The following MCC variants were observed in gnomAD, a reference collection of about 807,000 sequenced individuals.
The protein encoded by MCC is colorectal mutant cancer protein.
In MCC, 90 loss-of-function variants were observed where a neutral mutation model predicts 116.2. The ratio of observed to expected loss-of-function variants is 0.77; its 90% CI spans 0.65 to 0.92. The LOEUF (loss-of-function observed/expected upper bound fraction) is 0.92. MCC is among the 40% of genes least tolerant of loss of function. The probability of loss-of-function intolerance (pLI) is 0.00; values close to 1 mark genes in which losing one functional copy is unlikely to be tolerated. For missense variants in MCC, 1,516 were observed against 1,312.2 expected, an observed-to-expected ratio of 1.16 and a Z score of -2.40; for synonymous variants, 578 against 510.5, an observed-to-expected ratio of 1.13 and a Z score of -1.78.
intron 3 of MCC, chr5:113,294,795 C>T (rs1766657629): frequency 3.0e-6 from 3 of 987,158 alleles, no homozygotes; most frequent in Middle Eastern, 5.2e-4. Flanking sequence ...CCCTAGAGGG[C>T]ACCGGCGAGC....
At chr5:113,402,434 G>A (rs972591877) in intron 1 of MCC, among the ~76,000 whole-genome samples, 3 of 151,990 alleles carry the variant, frequency 2.0e-5, no homozygotes, top group Non-Finnish European at 4.4e-5. Flanking sequence ...GAATACAGGT[G>A]TGAGCCACTG....
Position 113,145,150 on chromosome 5 carries a change from G to A in MCC, c.742-1790C>T, listed in dbSNP as rs1759418833. Among the ~76,000 whole-genome samples, 5 of 152,198 alleles carry A rather than the reference G, an allele frequency of 3.3e-5. No homozygotes were observed. The South Asian group carries it at 1.0e-3, about 31-fold the overall frequency. ...CAAGAACAGAACACTGTTCCTCTCA[G>A]ACCTGCAGCACATCTACAAACTCTT... On this transcript the variant is annotated intron_variant, in intron 4 of 18. Transcript: ENST00000408903.
intron 1 of MCC, among the ~76,000 whole-genome samples, chr5:113,442,261 A>G (rs900166215): frequency 2.0e-5 from 3 of 152,158 alleles, no homozygotes; most frequent in African/African-American, 4.8e-5. Context: ...AGTGATGATG[A>G]GCATTTTTTC....
At chr5:113,056,078 T>C (rs762626289) in intron 14 of MCC, among the ~76,000 whole-genome samples, 13 of 152,210 alleles carry the variant, frequency 8.5e-5, no homozygotes, top group Non-Finnish European at 1.3e-4. Flanking sequence ...TCGATCTTGA[T>C]CTTTCTATCT....
chr5:113,341,781 C>T (rs892065306), intron 2 of MCC, among the ~76,000 whole-genome samples: 2 of 152,160 alleles, frequency 1.3e-5, no homozygotes, highest in Non-Finnish European at 2.9e-5. Flanking sequence ...GAAGAGGTGT[C>T]TGCTCATCCT....
At chr5:113,247,830 T>C (rs6871668) in intron 3 of MCC, among the ~76,000 whole-genome samples, 5,552 of 152,168 alleles carry the variant, frequency 0.036, 130 homozygotes, top group East Asian at 0.084. Context: ...GGAGGGATGA[T>C]AGACGGCAGC....
intron 2 of MCC, among the ~76,000 whole-genome samples, chr5:113,342,040 C>G (rs1238924502): frequency 1.3e-5 from 2 of 151,162 alleles, no homozygotes; most frequent in Non-Finnish European, 3.0e-5. Context: ...CACTCTTATG[C>G]CTTTGAGTCA....
intron 1 of MCC, among the ~76,000 whole-genome samples, chr5:113,468,005 G>C (rs1771965674): frequency 6.6e-6 from 1 of 152,222 alleles, no homozygotes; most frequent in African/African-American, 2.4e-5. Flanking sequence ...GTATAGGAAT[G>C]CTTGTGATTT....
At chr5:113,433,712 C>G in intron 1 of MCC, 1 of 1,597,540 alleles carries the variant, frequency 6.3e-7, no homozygotes, top group Non-Finnish European at 8.5e-7. Context: ...TGAGCTCCAT[C>G]TCATTCCCTG....
At chr5:113,039,483 G>A (rs1751538810) in intron 17 of MCC, among the ~76,000 whole-genome samples, 1 of 152,156 alleles carries the variant, frequency 6.6e-6, no homozygotes, top group Admixed American at 6.5e-5. Context: ...ACTAAGACAT[G>A]GCTGTTTACT....
intron 2 of MCC, among the ~76,000 whole-genome samples, chr5:113,381,654 G>A (rs181284909): frequency 8.5e-4 from 130 of 152,174 alleles, no homozygotes; most frequent in Non-Finnish European, 1.4e-3. Context: ...TGGGCCTGGT[G>A]GTGCATGCCT....
At chr5:113,098,265 G>C (rs890081170) in intron 8 of MCC, among the ~76,000 whole-genome samples, 4 of 152,158 alleles carry the variant, frequency 2.6e-5, no homozygotes, top group African/African-American at 9.7e-5. Context: ...GCCATCACAC[G>C]ACTCTCTGGG....
At chr5:113,212,929 C>G (rs1390905837) in intron 3 of MCC, among the ~76,000 whole-genome samples, 1 of 152,256 alleles carries the variant, frequency 6.6e-6, no homozygotes, top group East Asian at 1.9e-4. Context: ...TCATCCAGTT[C>G]TGATGTTTCT....
chr5:113,072,208 G>A (rs1754087266), intron 11 of MCC, among the ~76,000 whole-genome samples: 1 of 152,170 alleles, frequency 6.6e-6, no homozygotes, highest in African/African-American at 2.4e-5. Context: ...TAAGGGGTTT[G>A]GAAGCCATTA....
At chr5:113,366,549 A>T (rs10074224) in intron 2 of MCC, among the ~76,000 whole-genome samples, 14,849 of 152,124 alleles carry the variant, frequency 0.098, 1,156 homozygotes, top group African/African-American at 0.21. Flanking sequence ...AGGCTTCTAG[A>T]TTTTTTAAAA....
At chr5:113,184,054 T>C (rs147486522) in intron 3 of MCC, among the ~76,000 whole-genome samples, 2 of 152,296 alleles carry the variant, frequency 1.3e-5, no homozygotes, top group African/African-American at 4.8e-5. Context: ...CTAAAGCTCA[T>C]TAGGGGAGAC....
In MCC at chr5:113,437,636, G is replaced by T. The variant is rs1029692277; in HGVS notation, c.170+50609C>A. Reference sequence around the variant, plus strand: ...CTGGAGATGAAGGAGAAATAGTGCTGCACTTGAATTATTTCTATTTTGGCT... The same window carrying T: ...CTGGAGATGAAGGAGAAATAGTGCTTCACTTGAATTATTTCTATTTTGGCT... On this transcript the variant is annotated intron_variant, in intron 1 of 18. Coordinates refer to ENST00000408903, the MANE Select transcript of MCC (RefSeq NM_001085377.2). 7.6e-4 allele frequency among the ~76,000 whole-genome samples: 115 copies of T among 152,148 alleles called. 8 individuals are homozygous for T. Among genetic ancestry groups the T allele is most frequent in the Non-Finnish European group, 4.4e-5 (3 of 68,034 alleles).
rs1429575013 is a variant in MCC at position 113,082,959 on chromosome 5, G to C, written c.1685C>G (p.Ser562Cys). 2.5e-6 allele frequency: 4 copies of C among 1,614,036 alleles called. No individual in the cohort carries two copies. The highest frequency in any genetic ancestry group is 3.4e-6 in the Non-Finnish European group (4 of 1,180,024). ...EHLAHSLQDC[S>C]NIQEIFQTLY... is the part of the protein sequence containing the mutation. ...TGTTTGGAAAATCTCTTGGATATTG[G>C]AGCAGTCCTGAAGTGAGTGGGCCAG... The change falls in exon 11 of 19, where the codon TCC (serine) becomes TGC (cysteine). Residue 562 changes from serine (S) to cysteine (C), a missense_variant. By Grantham distance (112) the Ser-to-Cys change is moderately radical. Coordinates refer to ENST00000408903, the MANE Select transcript of MCC (RefSeq NM_001085377.2).
chr5:113,188,505 G>A (rs1012350468), intron 3 of MCC, among the ~76,000 whole-genome samples: 1 of 152,174 alleles, frequency 6.6e-6, no homozygotes, highest in African/African-American at 2.4e-5. Context: ...GGATCAAGAG[G>A]CTGAAGGCTT....
Sources: gnomAD v4.1 joint callset for allele counts (sites outside exome capture counted in the v4.1 genomes callset) on GRCh38, gnomAD v4.1.1 for gene constraint, MANE v1.5 for transcripts, NCBI Gene and HGNC (gene_info 2026-07-23, HGNC 2026-07-21) for gene names.